The following GRXCR2 variants were observed in gnomAD, a reference collection of about 807,000 sequenced individuals.
GRXCR2 encodes the protein glutaredoxin and cysteine rich domain containing 2.
Under a neutral mutation model 24.8 loss-of-function variants are expected in GRXCR2, and 23 were observed. The observed-to-expected ratio is 0.93, with a 90% confidence interval of 0.67 to 1.32. GRXCR2 has a LOEUF of 1.32. Ranked by LOEUF, GRXCR2 falls within the 40% of genes most tolerant of loss-of-function variation. The probability of loss-of-function intolerance (pLI) is 0.00; values close to 1 mark genes in which losing one functional copy is unlikely to be tolerated. For missense variants in GRXCR2, 315 were observed against 303.4 expected, an observed-to-expected ratio of 1.04 and a Z score of -0.28; for synonymous variants, 130 against 116.1, an observed-to-expected ratio of 1.12 and a Z score of -0.77.
At chr5:145,914,782 T>A (rs987424547) in intron 2 of GRXCR2, among the ~76,000 whole-genome samples, 7 of 99,528 alleles carry the variant, frequency 7.0e-5, no homozygotes, top group Non-Finnish European at 1.1e-4. Flanking sequence ...AGCAGAGTGG[T>A]CAAGAAAAAA....
chr5:145,920,158 G>A (rs6879205), intron 2 of GRXCR2, among the ~76,000 whole-genome samples: 24,120 of 152,148 alleles, frequency 0.16, 2,095 homozygotes, highest in Non-Finnish European at 0.2. Flanking sequence ...AATTGCAGCC[G>A]GGTGGGGGTG....
At position 145,894,635 on chromosome 5, in the gene GRXCR2, T is replaced by C. The variant is rs548035635; in HGVS notation, c.-69-27907A>G. 2.0e-5 allele frequency among the ~76,000 whole-genome samples: 3 copies of C among 152,254 alleles called. 1 individual carries two copies. Among genetic ancestry groups the C allele is most frequent in the African/African-American group, 7.2e-5 (3 of 41,550 alleles). ...ATAACAGGCTCTGAAATTGAGGCAATAGTTAATAGCTTACCAACCAAAAAA... is the reference window on the plus strand; with the variant it reads ...ATAACAGGCTCTGAAATTGAGGCAACAGTTAATAGCTTACCAACCAAAAAA... On this transcript the variant is annotated intron_variant, in intron 2 of 3. Coordinates refer to the GRXCR2 transcript ENST00000639411.
chr5:145,881,505 C>A (rs1756700406), intron 2 of GRXCR2, among the ~76,000 whole-genome samples: 1 of 152,116 alleles, frequency 6.6e-6, no homozygotes, highest in South Asian at 2.1e-4. Context: ...AACTACAAAC[C>A]ACTGCTCAAC....
chr5:145,865,447 G>A (rs1756413375), intron 2 of GRXCR2, among the ~76,000 whole-genome samples: 1 of 152,106 alleles, frequency 6.6e-6, no homozygotes, highest in African/African-American at 2.4e-5. Flanking sequence ...GGAAAACATT[G>A]GAATATTCAT....
intron 2 of GRXCR2, among the ~76,000 whole-genome samples, chr5:145,883,162 AAAGTAT>A (rs1313420534): frequency 1.3e-5 from 2 of 152,122 alleles, no homozygotes; most frequent in Admixed American, 6.6e-5. Flanking sequence ...CCTAGAACTT[AAAGTAT>A]AATTAAAAAA....
At chr5:145,928,084 T>A (rs1757426779) in intron 2 of GRXCR2, among the ~76,000 whole-genome samples, 1 of 151,834 alleles carries the variant, frequency 6.6e-6, no homozygotes, top group Non-Finnish European at 1.5e-5. Flanking sequence ...CATCAAAAAG[T>A]GGGCAAAGGA....
chr5:145,901,474 A>G (rs1757021618), intron 2 of GRXCR2, among the ~76,000 whole-genome samples: 1 of 152,220 alleles, frequency 6.6e-6, no homozygotes, highest in Non-Finnish European at 1.5e-5. Context: ...GGTAGGTGTT[A>G]GGAATACAGC....
intron 2 of GRXCR2, among the ~76,000 whole-genome samples, chr5:145,893,381 G>T (rs36164813): frequency 0.034 from 5,228 of 152,158 alleles, 169 homozygotes; most frequent in African/African-American, 0.077. Context: ...TTGTATTCAG[G>T]AAACCCATCT....
At chr5:145,892,508 C>A (rs926337297) in intron 2 of GRXCR2, among the ~76,000 whole-genome samples, 15 of 151,992 alleles carry the variant, frequency 9.9e-5, no homozygotes, top group African/African-American at 2.9e-4. Flanking sequence ...GTAGCCAATT[C>A]AATTAACTGG....
chr5:145,886,885 AC>A (rs1215045266), intron 2 of GRXCR2, among the ~76,000 whole-genome samples: 1 of 152,060 alleles, frequency 6.6e-6, no homozygotes, highest in Non-Finnish European at 1.5e-5. Context: ...TTCCTACTAA[AC>A]CCTTTAATTC....
intron 2 of GRXCR2, among the ~76,000 whole-genome samples, chr5:145,929,172 T>C (rs904967100): frequency 1.4e-5 from 2 of 140,144 alleles, no homozygotes; most frequent in South Asian, 5.0e-4. Context: ...CTCCTTATCA[T>C]TTTTAATAGT....
At chr5:145,862,257 T>A (rs1009702290) in intron 2 of GRXCR2, among the ~76,000 whole-genome samples, 1 of 152,188 alleles carries the variant, frequency 6.6e-6, no homozygotes, top group Non-Finnish European at 1.5e-5. Context: ...TATTGAAAGA[T>A]TAATGAAATG....
intron 1 of GRXCR2, among the ~76,000 whole-genome samples, chr5:145,867,436 C>T (rs962479687): frequency 3.3e-5 from 5 of 152,144 alleles, no homozygotes; most frequent in African/African-American, 2.4e-5. Flanking sequence ...TACTCTGTTG[C>T]AACCTATTTT....
intron 2 of GRXCR2, among the ~76,000 whole-genome samples, chr5:145,924,028 A>G (rs911243607): frequency 6.6e-6 from 1 of 152,082 alleles, no homozygotes; most frequent in Non-Finnish European, 1.5e-5. Context: ...CAAAATGCTG[A>G]AGTTAGTTAG....
intron 2 of GRXCR2, among the ~76,000 whole-genome samples, chr5:145,879,566 C>A (rs989394512): frequency 2.0e-5 from 3 of 152,090 alleles, no homozygotes; most frequent in African/African-American, 7.2e-5. Flanking sequence ...TCCTTAGAGA[C>A]GGACAAAGAG....
At chr5:145,906,365 G>A (rs75350740) in intron 2 of GRXCR2, among the ~76,000 whole-genome samples, 11 of 152,052 alleles carry the variant, frequency 7.2e-5, no homozygotes, top group African/African-American at 1.5e-4. Flanking sequence ...AAAAAGGGGG[G>A]TGCTTATCTT....
intron 2 of GRXCR2, among the ~76,000 whole-genome samples, chr5:145,910,563 T>C (rs967253988): frequency 2.6e-5 from 4 of 152,218 alleles, no homozygotes; most frequent in African/African-American, 7.2e-5. Context: ...TATAGCTACT[T>C]CTACTTTGTA....
chr5:145,918,356 A>G (rs1165937227), intron 2 of GRXCR2, among the ~76,000 whole-genome samples: 5 of 152,208 alleles, frequency 3.3e-5, no homozygotes. Flanking sequence ...CTGGGAGGTG[A>G]ACGGGGTCTG....
chr5:145,889,047 G>T (rs975862326), intron 2 of GRXCR2, among the ~76,000 whole-genome samples: 3 of 151,740 alleles, frequency 2.0e-5, no homozygotes, highest in African/African-American at 7.3e-5. Flanking sequence ...GGTGGCAGGC[G>T]CCTGTAATCC....
Sources: gnomAD v4.1 joint callset for allele counts (sites outside exome capture counted in the v4.1 genomes callset) on GRCh38, gnomAD v4.1.1 for gene constraint, MANE v1.5 for transcripts, NCBI Gene and HGNC (gene_info 2026-07-23, HGNC 2026-07-21) for gene names.